TCF20: variants seen among roughly 807,000 people sequenced by gnomAD.
The protein encoded by TCF20 is transcription factor 20, also known as SPRE-binding protein.
Under a neutral mutation model 148.6 loss-of-function variants are expected in TCF20, and 3 were observed. The ratio of observed to expected loss-of-function variants is 0.02; its 90% CI spans 0.01 to 0.05. The LOEUF is 0.05. Among genes scored for constraint, TCF20 ranks in the 10% least tolerant of loss-of-function variants. TCF20 has a pLI of 1.00. For missense variants in TCF20, 2,350 were observed against 2,429.3 expected (o/e 0.97, Z 0.69); for synonymous variants, 1,049 against 909.5 (o/e 1.15, Z -2.76).
chr22:42,223,578 C>G (rs1321358528), intron 1 of TCF20, among the ~76,000 whole-genome samples: 1 of 151,792 alleles, frequency 6.6e-6, no homozygotes, highest in East Asian at 1.9e-4. Context: ...AATGGAGACT[C>G]AGAAGTTAAA....
intron 1 of TCF20, among the ~76,000 whole-genome samples, chr22:42,230,874 T>C (rs1277375855): frequency 6.6e-6 from 1 of 152,112 alleles, no homozygotes; most frequent in Non-Finnish European, 1.5e-5. Context: ...AATATTTAAA[T>C]ATGGCTCGGT....
intron 1 of TCF20, among the ~76,000 whole-genome samples, chr22:42,245,049 C>T (rs1924790073): frequency 6.6e-6 from 1 of 152,064 alleles, no homozygotes; most frequent in African/African-American, 2.4e-5. Flanking sequence ...TGCCACTGCA[C>T]TCCAGCCTGG....
In TCF20 at chr22:42,214,401, T is replaced by C. The variant is rs1216429959; in HGVS notation, c.905A>G (p.Gln302Arg). The change falls in exon 2 of 6, where the codon CAG (glutamine) becomes CGG (arginine). Residue 302 changes from glutamine to arginine, a missense_variant. Transcript: ENST00000677622. ...YQPQSMKNFE[Q>R]AKIPQGTQQG... ...TTGGGTCCCTTGTGGAATCTTTGCC[T>C]GTTCAAAATTCTTCATAGATTGAGG... The C allele has an allele frequency of 6.2e-7, 1 of 1,614,086 alleles. No individual in the cohort carries two copies. The highest frequency in any genetic ancestry group is 2.2e-5 in the East Asian group (1 of 44,868).
upstream of TCF20, among the ~76,000 whole-genome samples, chr22:42,284,026 A>G (rs943325747): frequency 2.6e-5 from 4 of 152,150 alleles, no homozygotes; most frequent in African/African-American, 9.7e-5. Context: ...GTGAAGTCAC[A>G]GGGCCGGGGC....
chr22:42,306,754 A>G (rs950605474), intron 1 of TCF20, among the ~76,000 whole-genome samples: 1 of 152,110 alleles, frequency 6.6e-6, no homozygotes, highest in Non-Finnish European at 1.5e-5. Flanking sequence ...GTCTGAGAGG[A>G]GCGTCCAGGT....
chr22:42,255,888 C>A (rs1391887275), intron 1 of TCF20, among the ~76,000 whole-genome samples: 1 of 152,152 alleles, frequency 6.6e-6, no homozygotes, highest in Non-Finnish European at 1.5e-5. Flanking sequence ...CTATTCCCAC[C>A]TTGCTCTCAT....
chr22:42,232,362 G>C (rs570985987), intron 1 of TCF20, among the ~76,000 whole-genome samples: 3 of 151,456 alleles, frequency 2.0e-5, no homozygotes. Context: ...GCACTTCTTA[G>C]AAATATTCTG....
intron 1 of TCF20, among the ~76,000 whole-genome samples, chr22:42,301,328 G>A (rs2147033885): frequency 6.6e-6 from 1 of 152,330 alleles, no homozygotes; most frequent in Middle Eastern, 3.4e-3. Context: ...CACGCCCCAG[G>A]GAGACAGAGG....
At chr22:42,225,544 G>A (rs1446713297) in intron 1 of TCF20, among the ~76,000 whole-genome samples, 1 of 150,048 alleles carries the variant, frequency 6.7e-6, no homozygotes, top group Admixed American at 6.6e-5. Context: ...AACCCGGGAG[G>A]CGGAGCTTGC....
chr22:42,189,942 G>GT (rs1569121648), intron 2 of TCF20, among the ~76,000 whole-genome samples: 1 of 152,210 alleles, frequency 6.6e-6, no homozygotes, highest in Non-Finnish European at 1.5e-5. Context: ...AGTTCTCGGA[G>GT]TTTTTCACTG....
chr22:42,271,013 T>A (rs1402798366), upstream of TCF20, among the ~76,000 whole-genome samples: 1 of 151,906 alleles, frequency 6.6e-6, no homozygotes, highest in Non-Finnish European at 1.5e-5. Flanking sequence ...TTTCTGGAGT[T>A]CCCTGGAGCC....
chr22:42,284,760 G>A (rs1926993585), upstream of TCF20, among the ~76,000 whole-genome samples: 1 of 152,222 alleles, frequency 6.6e-6, no homozygotes, highest in Non-Finnish European at 1.5e-5. Context: ...GTGTACAACA[G>A]CAGCGTCCGT....
chr22:42,177,679 A>C (rs954207683), intron 3 of TCF20, among the ~76,000 whole-genome samples: 3 of 151,996 alleles, frequency 2.0e-5, no homozygotes, highest in African/African-American at 7.3e-5. Context: ...AAAATACAAC[A>C]CTCTATTGTA....
intron 1 of TCF20, among the ~76,000 whole-genome samples, chr22:42,337,648 T>C (rs901333780): frequency 3.3e-5 from 5 of 152,218 alleles, no homozygotes; most frequent in Non-Finnish European, 7.3e-5. Context: ...CATTACTGGT[T>C]GCAAGAGAAA....
At position 42,279,771 on chromosome 22, in the gene TCF20, G is replaced by A. The variant is rs1569199628; in HGVS notation, c.-37+4056C>T. On this transcript the variant is annotated intron_variant, in intron 1 of 5. Transcript: ENST00000359486. The surrounding 1 kb of genome is among the most constrained non-coding windows in gnomAD (Gnocchi z 4.3). ...GCGGAGCAAGGAGGAAGCCACACCT[G>A]TTGGATCCCAAAGCTTCTGCTGAGG... is the stretch of plus-strand genomic sequence containing the variant. Among the ~76,000 whole-genome samples the A allele has an allele frequency of 1.3e-5, 2 of 152,220 alleles. No homozygotes were observed. Among genetic ancestry groups the A allele is most frequent in the South Asian group, 2.1e-4 (1 of 4,834 alleles).
At chr22:42,334,681 AT>A (rs1180828658) in intron 1 of TCF20, among the ~76,000 whole-genome samples, 1 of 152,188 alleles carries the variant, frequency 6.6e-6, no homozygotes, top group Non-Finnish European at 1.5e-5. Flanking sequence ...AGACTATCAC[AT>A]CTAATTCTCT....
intron 5 of TCF20, among the ~76,000 whole-genome samples, chr22:42,162,254 GGCGTGA>G (rs1428788630): frequency 6.6e-6 from 1 of 152,076 alleles, no homozygotes; most frequent in Non-Finnish European, 1.5e-5. Flanking sequence ...TGGGATTACA[GGCGTGA>G]GCCACTACAC....
chr22:42,316,966 C>T (rs1053148449), intron 1 of TCF20, among the ~76,000 whole-genome samples: 1 of 152,224 alleles, frequency 6.6e-6, no homozygotes, highest in African/African-American at 2.4e-5. Context: ...CACTGCTTTT[C>T]TCTTCCTGGA....
At chr22:42,305,667 C>T (rs1034842733) in intron 1 of TCF20, among the ~76,000 whole-genome samples, 1 of 152,180 alleles carries the variant, frequency 6.6e-6, no homozygotes, top group African/African-American at 2.4e-5. Flanking sequence ...TTCGTCCTTC[C>T]AGACCCTGGC....
Sources: allele counts gnomAD v4.1 joint callset (sites outside exome capture counted in the v4.1 genomes callset), GRCh38; gene constraint gnomAD v4.1.1; non-coding constraint Gnocchi (gnomAD v3.1); transcripts MANE v1.5; gene names NCBI Gene and HGNC (gene_info 2026-07-23, HGNC 2026-07-21).